ELP4: variants seen among roughly 807,000 people sequenced by gnomAD.
The protein encoded by ELP4 is elongator complex protein 4.
A neutral mutation model predicts 48.9 loss-of-function variants in ELP4; 51 were observed. The observed-to-expected ratio is 1.04, with a 90% confidence interval of 0.83 to 1.32. ELP4 has a LOEUF of 1.32. ELP4 is among the 40% of genes most tolerant of loss of function. The pLI, the probability that ELP4 is intolerant of heterozygous loss-of-function variation, is 0.00. For missense variants in ELP4, 519 were observed against 514.6 expected (o/e 1.01, Z -0.08); for synonymous variants, 210 against 189.2 (o/e 1.11, Z -0.90).
rs1000896224 is a variant in ELP4, at chr11:31,785,670, G to T, written c.*2146G>T. ...TGTAAAAATAAGCTACTGGAGAGGG[G>T]TGTGTATTTTTGTCTTCCTCTGATA... On this transcript the variant is annotated 3_prime_UTR_variant, in exon 10 of 10. Coordinates refer to ENST00000640961, the MANE Select transcript of ELP4 (RefSeq NM_019040.5). 2.6e-5 allele frequency: 5 copies of T among 194,824 alleles called. No individual in the cohort carries two copies. Among genetic ancestry groups the T allele is most frequent in the Non-Finnish European group, 4.3e-5 (4 of 93,752 alleles). The allele number at this position is 194,824 out of a possible 1,614,324, so 12.1% of individuals were successfully genotyped here. A position where few individuals can be genotyped will look rare whatever the true frequency, so the allele number is the denominator to read the frequency against.
chr11:31,605,616 G>A (rs1170436880), intron 5 of ELP4, among the ~76,000 whole-genome samples: 1 of 152,022 alleles, frequency 6.6e-6, no homozygotes. Context: ...ATAATATGGT[G>A]TTACTTTTGT....
intron 9 of ELP4, among the ~76,000 whole-genome samples, chr11:31,743,865 A>C (rs971353736): frequency 1.3e-5 from 2 of 152,216 alleles, no homozygotes; most frequent in African/African-American, 4.8e-5. Flanking sequence ...ACACATTCAA[A>C]AGCTAGCAGA....
chr11:31,631,824 C>G (rs1175121345), intron 6 of ELP4, among the ~76,000 whole-genome samples: 4 of 151,942 alleles, frequency 2.6e-5, no homozygotes, highest in African/African-American at 9.7e-5. Flanking sequence ...AAATATTGAA[C>G]AATTTATAGT....
At chr11:31,757,281 T>A (rs1947852484) in intron 9 of ELP4, among the ~76,000 whole-genome samples, 1 of 152,186 alleles carries the variant, frequency 6.6e-6, no homozygotes, top group African/African-American at 2.4e-5. Context: ...AAAAACAAAT[T>A]TCTAAGGGAA....
intron 9 of ELP4, among the ~76,000 whole-genome samples, chr11:31,706,582 A>G (rs1397559036): frequency 2.0e-5 from 3 of 147,918 alleles, no homozygotes; most frequent in Non-Finnish European, 3.0e-5. Flanking sequence ...TTAATAATTA[A>G]TGATATATTT....
intron 3 of ELP4, among the ~76,000 whole-genome samples, chr11:31,574,875 T>C (rs1309186942): frequency 6.6e-6 from 1 of 152,170 alleles, no homozygotes; most frequent in Non-Finnish European, 1.5e-5. Flanking sequence ...TCAGAGCACC[T>C]CTTCTCCTCC....
At chr11:31,687,714 A>G (rs958699639) in intron 9 of ELP4, 1 of 152,214 alleles carries the variant, frequency 6.6e-6, no homozygotes, top group African/African-American at 2.4e-5. Context: ...TGGGTGCAGA[A>G]TAGATAATTT....
chr11:31,730,517 C>T (rs925476962), intron 9 of ELP4, among the ~76,000 whole-genome samples: 1 of 152,168 alleles, frequency 6.6e-6, no homozygotes, highest in Non-Finnish European at 1.5e-5. Context: ...CAGCTCCAAG[C>T]TTCTCCATGG....
At chr11:31,684,730 G>T (rs1376466506) in intron 9 of ELP4, among the ~76,000 whole-genome samples, 1 of 152,154 alleles carries the variant, frequency 6.6e-6, no homozygotes, top group Non-Finnish European at 1.5e-5. Flanking sequence ...ACTGGTATCC[G>T]TATGATCCAT....
intron 9 of ELP4, among the ~76,000 whole-genome samples, chr11:31,672,700 G>T (rs1031531660): frequency 8.5e-5 from 13 of 152,112 alleles, no homozygotes; most frequent in Non-Finnish European, 1.6e-4. Context: ...GCTGAGGTAG[G>T]ATCACCTGAG....
At chr11:31,742,581 G>C (rs1947480048) in intron 9 of ELP4, among the ~76,000 whole-genome samples, 1 of 152,240 alleles carries the variant, frequency 6.6e-6, no homozygotes, top group Admixed American at 6.5e-5. Flanking sequence ...CCAGAAGAGA[G>C]TGGGGGCCAA....
intron 9 of ELP4, among the ~76,000 whole-genome samples, chr11:31,757,481 C>T (rs956747299): frequency 1.3e-5 from 2 of 152,098 alleles, no homozygotes; most frequent in Non-Finnish European, 2.9e-5. Context: ...CACACTGTTC[C>T]TCTTAAACAC....
At chr11:31,766,949 T>C (rs1948054387) in intron 9 of ELP4, among the ~76,000 whole-genome samples, 1 of 152,158 alleles carries the variant, frequency 6.6e-6, no homozygotes, top group African/African-American at 2.4e-5. Flanking sequence ...CATTTTTTCA[T>C]CATTTATTAA....
At chr11:31,760,862 C>G (rs1381048903) in intron 9 of ELP4, among the ~76,000 whole-genome samples, 2 of 152,128 alleles carry the variant, frequency 1.3e-5, no homozygotes. Context: ...CTTTCTCAAT[C>G]CAAAAATAAC....
At chr11:31,710,770 C>G (rs1237125194) in intron 9 of ELP4, among the ~76,000 whole-genome samples, 1 of 152,184 alleles carries the variant, frequency 6.6e-6, no homozygotes, top group Middle Eastern at 3.4e-3. Flanking sequence ...GAATAAGACA[C>G]AGAGAGCGAC....
In ELP4 at chr11:31,750,045, T is replaced by C. The variant is rs889708327; in HGVS notation, c.1144-33348T>C. On this transcript the variant is annotated intron_variant, in intron 9 of 9. Transcript: ENST00000640961. ...TAATTTTTTTTTTTTTTGTATTTTT[T>C]ACTAGAGACGGGGTTTCACCGTGTT... Among the ~76,000 whole-genome samples, 7 of 152,050 alleles carry C rather than the reference T, an allele frequency of 4.6e-5. No individual in the cohort carries two copies. The East Asian group carries it at 9.7e-4, about 21-fold the overall frequency.
At chr11:31,639,263 T>C (rs1945039972) in intron 7 of ELP4, among the ~76,000 whole-genome samples, 1 of 151,802 alleles carries the variant, frequency 6.6e-6, no homozygotes, top group Admixed American at 6.6e-5. Flanking sequence ...TATTTAAGAG[T>C]TTAAAAAGAA....
At chr11:31,706,438 C>T (rs1018270063) in intron 9 of ELP4, among the ~76,000 whole-genome samples, 1 of 150,576 alleles carries the variant, frequency 6.6e-6, no homozygotes, top group Non-Finnish European at 1.5e-5. Flanking sequence ...CAAGACCAGC[C>T]TAGTCTATAT....
intron 9 of ELP4, among the ~76,000 whole-genome samples, chr11:31,755,401 T>G (rs2134245216): frequency 6.6e-6 from 1 of 152,316 alleles, no homozygotes; most frequent in South Asian, 2.1e-4. Context: ...AAACTTTATA[T>G]TACAGAAACC....
Sources: gnomAD v4.1 joint callset for allele counts (sites outside exome capture counted in the v4.1 genomes callset) on GRCh38, gnomAD v4.1.1 for gene constraint, MANE v1.5 for transcripts, NCBI Gene and HGNC (gene_info 2026-07-23, HGNC 2026-07-21) for gene names.